The following C5orf52 variants were observed in gnomAD, a reference collection of about 807,000 sequenced individuals.
The protein encoded by C5orf52 is uncharacterized protein C5orf52.
Under a neutral mutation model 16.8 loss-of-function variants are expected in C5orf52, and 15 were observed. The ratio of observed to expected loss-of-function variants is 0.89; its 90% CI spans 0.60 to 1.38. The LOEUF (loss-of-function observed/expected upper bound fraction) is 1.38. C5orf52 is among the 40% of genes most tolerant of loss of function. C5orf52 has a pLI of 0.00. For missense variants in C5orf52, 206 were observed against 213.1 expected (o/e 0.97, Z 0.21); for synonymous variants, 83 against 87.2 (o/e 0.95, Z 0.27).
chr5:157,675,272 A>G (rs1759874910), intron 2 of C5orf52, 72 bp downstream of exon 2: 4 of 901,712 alleles, frequency 4.4e-6, no homozygotes, highest in Admixed American at 4.1e-5. Flanking sequence ...TTCTCCCTAT[A>G]TGCTGGGATA....
intron 1 of C5orf52, among the ~76,000 whole-genome samples, chr5:157,674,880 T>G (rs913940282): frequency 1.3e-5 from 2 of 152,226 alleles, no homozygotes; most frequent in African/African-American, 4.8e-5. Context: ...ATGGCTTTTC[T>G]TCTGGGTAAC....
At chr5:157,679,631 C>A (rs1470374421) in intron 2 of C5orf52, among the ~76,000 whole-genome samples, 4 of 152,178 alleles carry the variant, frequency 2.6e-5, no homozygotes, top group Non-Finnish European at 4.4e-5. Flanking sequence ...GCCACTGCGC[C>A]AGTCCTTGGA....
chr5:157,675,692 G>C (rs549252460), intron 2 of C5orf52, among the ~76,000 whole-genome samples: 10 of 152,008 alleles, frequency 6.6e-5, no homozygotes, highest in Non-Finnish European at 1.3e-4. Context: ...TGTGGCAACA[G>C]AGCAAGACTC....
chr5:157,672,563 A>C (rs1759817124), intron 1 of C5orf52, among the ~76,000 whole-genome samples: 1 of 152,058 alleles, frequency 6.6e-6, no homozygotes, highest in South Asian at 2.1e-4. Flanking sequence ...CAACAAAAAA[A>C]AACCAGGATT....
At chr5:157,674,967 C>T (rs1188079724) in intron 1 of C5orf52, 125 bp from the exon 2 acceptor site, 4 of 612,478 alleles carry the variant, frequency 6.5e-6, no homozygotes, top group African/African-American at 1.9e-5. Flanking sequence ...AAAATTATGA[C>T]AGAGCTGCAC....
chr5:157,671,374 C>T (rs1391914832), upstream of C5orf52: 3 of 537,782 alleles, frequency 5.6e-6, no homozygotes, highest in East Asian at 9.8e-5. Context: ...CAGCAACGCG[C>T]CGGGTCTCAC....
intron 2 of C5orf52, among the ~76,000 whole-genome samples, chr5:157,676,654 T>C (rs977803558): frequency 3.9e-5 from 6 of 152,168 alleles, no homozygotes; most frequent in Non-Finnish European, 5.9e-5. Flanking sequence ...ATTTGTAAAA[T>C]AGGATCTATT....
chr5:157,678,760 C>T (rs1024249338), intron 2 of C5orf52, among the ~76,000 whole-genome samples: 10 of 152,160 alleles, frequency 6.6e-5, no homozygotes, highest in Non-Finnish European at 1.0e-4. Context: ...AGCGCCCAGC[C>T]AAGTGAAATT....
At chr5:157,675,009 A>G (rs908095252) in intron 1 of C5orf52, 83 bp from the exon 2 acceptor site, 9 of 810,008 alleles carry the variant, frequency 1.1e-5, no homozygotes, top group Non-Finnish European at 1.8e-5. Context: ...AGCCTCAGCC[A>G]CTCCCTCAGG....
chr5:157,679,926 A>G lies in C5orf52; in HGVS notation c.407A>G (p.Lys136Arg). Residue 136 changes from lysine to arginine, a missense_variant, in exon 3 of 3, where the codon AAG (lysine) becomes AGG (arginine). Lys to Arg is a conservative substitution (Grantham distance 26). Transcript: ENST00000409999. ...KKKFMTEQLR[K>R]LGRWREESVN... is the part of the protein sequence containing the mutation. ...AAGTTCATGACAGAGCAGCTCAGAA[A>G]GCTCGGGCGATGGAGAGAGGAATCC... 1 of 1,551,786 alleles carries G rather than the reference A, an allele frequency of 6.4e-7. No individual in the cohort carries two copies. The highest frequency in any genetic ancestry group is 8.7e-7 in the Non-Finnish European group (1 of 1,147,008).
intron 1 of C5orf52, 38 bp downstream of exon 1, chr5:157,671,864 G>A (rs557597153): frequency 5.1e-5 from 68 of 1,343,096 alleles, no homozygotes; most frequent in East Asian, 2.8e-4. Context: ...TCAGACCCTC[G>A]GACCCGCGAG....
At chr5:157,679,808 C>A (rs1759972146) in intron 2 of C5orf52, 33 bp from the exon 3 acceptor site, 3 of 1,533,300 alleles carry the variant, frequency 2.0e-6, no homozygotes, top group Admixed American at 4.3e-5. Flanking sequence ...TCTTTAGGAT[C>A]TTGATCCTAA....
intron 1 of C5orf52, among the ~76,000 whole-genome samples, chr5:157,672,856 A>G (rs1347436357): frequency 1.3e-5 from 2 of 151,552 alleles, no homozygotes; most frequent in Non-Finnish European, 2.9e-5. Context: ...GGGTTTCACC[A>G]TGTTGGCCAG....
chr5:157,679,236 T>C (rs971941855), intron 2 of C5orf52, among the ~76,000 whole-genome samples: 8 of 152,196 alleles, frequency 5.3e-5, no homozygotes, highest in African/African-American at 1.9e-4. Context: ...TATCCTCTCC[T>C]GTAGCTAGCT....
intron 1 of C5orf52, among the ~76,000 whole-genome samples, chr5:157,673,182 G>A (rs1183846188): frequency 6.6e-6 from 1 of 151,606 alleles, no homozygotes; most frequent in Non-Finnish European, 1.5e-5. Context: ...TACCAAAAAT[G>A]CAAAAAATTA....
intron 2 of C5orf52, among the ~76,000 whole-genome samples, chr5:157,679,315 C>T (rs915621131): frequency 6.6e-6 from 1 of 151,984 alleles, no homozygotes; most frequent in African/African-American, 2.4e-5. Flanking sequence ...GGGGACAGGA[C>T]AGAAGTTATA....
At chr5:157,673,652 A>AT (rs941587291) in intron 1 of C5orf52, among the ~76,000 whole-genome samples, 2,466 of 146,738 alleles carry the variant, frequency 0.017, 22 homozygotes, top group Non-Finnish European at 0.021. Context: ...AATATGAACA[A>AT]TTTTTTTTTT....
chr5:157,671,026 G>T (rs1241754036), upstream of C5orf52, among the ~76,000 whole-genome samples: 2 of 152,136 alleles, frequency 1.3e-5, no homozygotes, highest in African/African-American at 2.4e-5. Flanking sequence ...TCGCCTGCTC[G>T]GTGTCAAGAC....
At chr5:157,679,088 C>T (rs868299295) in intron 2 of C5orf52, among the ~76,000 whole-genome samples, 9 of 151,272 alleles carry the variant, frequency 5.9e-5, no homozygotes, top group Middle Eastern at 3.4e-3. Flanking sequence ...GAGCTGAGAT[C>T]GCGCCACTGC....
Sources: allele counts gnomAD v4.1 joint callset (sites outside exome capture counted in the v4.1 genomes callset), GRCh38; gene constraint gnomAD v4.1.1; transcripts MANE v1.5; gene names NCBI Gene and HGNC (gene_info 2026-07-23, HGNC 2026-07-21).